The following SLC12A6 variants were observed in gnomAD, a reference collection of about 807,000 sequenced individuals.
The protein encoded by SLC12A6 is solute carrier family 12 member 6, also known as K-Cl cotransporter 3.
SLC12A6 carries 66 observed loss-of-function variants against 135.3 expected under a neutral mutation model. The ratio of observed to expected loss-of-function variants is 0.49; its 90% CI spans 0.40 to 0.60. SLC12A6 has a LOEUF of 0.60. Among genes scored for constraint, SLC12A6 ranks in the 20% least tolerant of loss-of-function variants. The pLI, the probability that SLC12A6 is intolerant of heterozygous loss-of-function variation, is 0.00. For missense variants in SLC12A6, 1,058 were observed against 1,452.3 expected (o/e 0.73, Z 4.41); for synonymous variants, 513 against 508.8 (o/e 1.01, Z -0.11).
chr15:34,256,164 A>G (rs1892741025), intron 7 of SLC12A6, 65 bp downstream of exon 7: 1 of 1,027,058 alleles, frequency 9.7e-7, no homozygotes, highest in Admixed American at 1.7e-5. Flanking sequence ...TTGCACCTCT[A>G]GCTTTATAGC....
chr15:34,263,731 A>G (rs1893313423), intron 3 of SLC12A6, among the ~76,000 whole-genome samples: 1 of 152,194 alleles, frequency 6.6e-6, no homozygotes, highest in African/African-American at 2.4e-5. Flanking sequence ...TATAAAAATT[A>G]AAGAATTAAA....
At chr15:34,277,086 C>G (rs544500830) in intron 2 of SLC12A6, among the ~76,000 whole-genome samples, 1 of 152,094 alleles carries the variant, frequency 6.6e-6, no homozygotes, top group African/African-American at 2.4e-5. Context: ...CCCAAACATA[C>G]CAGCAAGTGA....
intron 2 of SLC12A6, among the ~76,000 whole-genome samples, chr15:34,278,773 G>T (rs914371239): frequency 1.3e-5 from 2 of 151,846 alleles, no homozygotes; most frequent in African/African-American, 2.4e-5. Context: ...GTTTCACCAT[G>T]TTGGCCAGAC....
chr15:34,334,085 C>A (rs115177237), intron 2 of SLC12A6, among the ~76,000 whole-genome samples: 1,910 of 143,068 alleles, frequency 0.013, 30 homozygotes, highest in African/African-American at 0.035. Context: ...AAAAAAAAAA[C>A]AAAAAAAACT....
At position 34,300,467 on chromosome 15, in the gene SLC12A6, C is replaced by G. The variant is rs529046420; in HGVS notation, c.272-25078G>C. On this transcript the variant is annotated intron_variant, in intron 2 of 25. Coordinates refer to ENST00000354181, the MANE Select transcript of SLC12A6 (RefSeq NM_001365088.1). ...ATGGCTGTGAGATTCCCCTACTCCC[C>G]TACCCCTAGCCATAACACAGCTGCC... Among the ~76,000 whole-genome samples the G allele has an allele frequency of 2.0e-5, 3 of 152,188 alleles. No homozygotes were observed. In the East Asian group the frequency reaches 5.8e-4, roughly 29 times the overall value.
intron 2 of SLC12A6, among the ~76,000 whole-genome samples, chr15:34,275,999 G>A (rs540785627): frequency 6.6e-6 from 1 of 152,246 alleles, no homozygotes; most frequent in East Asian, 1.9e-4. Flanking sequence ...CAGCGTTTCT[G>A]TTTGGGGTGA....
At chr15:34,335,580 G>T (rs80298906) in intron 2 of SLC12A6, among the ~76,000 whole-genome samples, 16,099 of 152,116 alleles carry the variant, frequency 0.11, 1,046 homozygotes, top group South Asian at 0.19. Flanking sequence ...TTAAATTTCA[G>T]AGTCCAAAAA....
intron 2 of SLC12A6, among the ~76,000 whole-genome samples, chr15:34,281,256 T>C (rs992417697): frequency 6.6e-6 from 1 of 152,126 alleles, no homozygotes; most frequent in Non-Finnish European, 1.5e-5. Flanking sequence ...ACTAATTACA[T>C]TGATCTGATC....
chr15:34,234,162 A>G lies in SLC12A6; in HGVS notation c.3362-190T>C, dbSNP rs1566797183. Among the ~76,000 whole-genome samples, 6 of 152,320 alleles carry G rather than the reference A, an allele frequency of 3.9e-5. No homozygotes were observed. The South Asian group carries it at 8.3e-4, about 21-fold the overall frequency. On this transcript the variant is annotated intron_variant, in intron 25 of 25. Coordinates refer to ENST00000354181, the MANE Select transcript of SLC12A6 (RefSeq NM_001365088.1). ...CCAGAGATCCAGTCCTTTTGCATAC[A>G]TAATACCAGACTCCCATTTGTGTAT...
intron 2 of SLC12A6, among the ~76,000 whole-genome samples, chr15:34,281,460 G>C (rs1024108272): frequency 6.6e-6 from 1 of 152,136 alleles, no homozygotes; most frequent in Admixed American, 6.5e-5. Flanking sequence ...GAACTAGATA[G>C]ACCTAGAAAA....
rs562889811 is a variant in SLC12A6 at position 34,329,463 on chromosome 15, G to A, written c.271+6947C>T. On this transcript the variant is annotated intron_variant, in intron 2 of 25. Transcript: ENST00000354181. ...CTTTCATAAGGTTCCCAGGTTTGCA[G>A]GAGTACCTTCTTTCATTTCCTTCCA... Among the ~76,000 whole-genome samples the A allele has an allele frequency of 1.4e-3, 218 of 152,234 alleles. 1 individual carries two copies. The highest frequency in any genetic ancestry group is 4.9e-3 in the African/African-American group (205 of 41,524).
intron 2 of SLC12A6, among the ~76,000 whole-genome samples, chr15:34,327,455 A>T (rs1889545880): frequency 6.6e-6 from 1 of 152,108 alleles, no homozygotes; most frequent in Non-Finnish European, 1.5e-5. Context: ...TCATGAGGTC[A>T]AGAGTTCGAG....
intron 13 of SLC12A6, among the ~76,000 whole-genome samples, chr15:34,248,313 T>C (rs1241823586): frequency 6.6e-6 from 1 of 152,202 alleles, no homozygotes; most frequent in East Asian, 1.9e-4. Context: ...CTGTGAAAAT[T>C]CTTGTGAATT....
intron 2 of SLC12A6, among the ~76,000 whole-genome samples, chr15:34,311,572 T>C (rs552450808): frequency 1.3e-5 from 2 of 152,332 alleles, no homozygotes; most frequent in Non-Finnish European, 2.9e-5. Context: ...CATGGTATAG[T>C]GGAGAGCACA....
intron 3 of SLC12A6, among the ~76,000 whole-genome samples, chr15:34,268,391 A>G (rs998155811): frequency 6.6e-6 from 1 of 152,186 alleles, no homozygotes; most frequent in Non-Finnish European, 1.5e-5. Context: ...CTCATGGTCT[A>G]CTTGTGGTAG....
At chr15:34,266,047 GA>G (rs1197106074) in intron 3 of SLC12A6, among the ~76,000 whole-genome samples, 1 of 108,176 alleles carries the variant, frequency 9.2e-6, no homozygotes, top group African/African-American at 3.7e-5. Flanking sequence ...AGATTATAAA[GA>G]AGCAGAAAAA....
At chr15:34,329,397 C>T (rs1889689302) in intron 2 of SLC12A6, among the ~76,000 whole-genome samples, 1 of 152,222 alleles carries the variant, frequency 6.6e-6, no homozygotes, top group African/African-American at 2.4e-5. Flanking sequence ...GCATTAGAAA[C>T]ATTCCCCTTC....
intron 2 of SLC12A6, chr15:34,318,714 T>G (rs1224607379): frequency 6.2e-7 from 1 of 1,612,308 alleles, no homozygotes. Flanking sequence ...CTTTCTGTAT[T>G]TAAACTTCCT....
At chr15:34,295,680 T>C (rs1426980542) in intron 2 of SLC12A6, among the ~76,000 whole-genome samples, 1 of 152,216 alleles carries the variant, frequency 6.6e-6, no homozygotes, top group East Asian at 1.9e-4. Context: ...GATACATTTA[T>C]AGTGTGGACA....
Sources: gnomAD v4.1 joint callset for allele counts (sites outside exome capture counted in the v4.1 genomes callset) on GRCh38, gnomAD v4.1.1 for gene constraint, MANE v1.5 for transcripts, NCBI Gene and HGNC (gene_info 2026-07-23, HGNC 2026-07-21) for gene names.